Variants in TNRC6A observed in about 807,000 individuals in gnomAD.
TNRC6A encodes the protein trinucleotide repeat containing adaptor 6A.
Under a neutral mutation model 221.2 loss-of-function variants are expected in TNRC6A, and 44 were observed. The observed-to-expected ratio is 0.20, with a 90% CI of 0.16 to 0.26. The LOEUF (loss-of-function observed/expected upper bound fraction) is 0.26. TNRC6A is among the 10% of genes least tolerant of loss of function. TNRC6A has a pLI of 1.00. For missense variants in TNRC6A, 2,199 were observed against 2,404.4 expected (o/e 0.91, Z 1.79); for synonymous variants, 847 against 838.5 (o/e 1.01, Z -0.18).
chr16:24,760,088 T>A (rs935037015), intron 4 of TNRC6A, among the ~76,000 whole-genome samples: 1 of 152,184 alleles, frequency 6.6e-6, no homozygotes, highest in African/African-American at 2.4e-5. Flanking sequence ...CTGTTTCCCA[T>A]CAGTCCTTAT....
chr16:24,638,394 G>T (rs1353492599), intron 1 of TNRC6A, among the ~76,000 whole-genome samples: 1 of 151,864 alleles, frequency 6.6e-6, no homozygotes, highest in African/African-American at 2.4e-5. Context: ...TCCAACCTGG[G>T]TGACAAAGCA....
intron 2 of TNRC6A, among the ~76,000 whole-genome samples, chr16:24,704,588 C>T (rs1426577550): frequency 7.5e-6 from 1 of 133,340 alleles, no homozygotes; most frequent in Non-Finnish European, 1.5e-5. Context: ...TCACTTGAAT[C>T]TGGGAGGTGG....
chr16:24,666,054 C>T (rs1170834864), intron 2 of TNRC6A, among the ~76,000 whole-genome samples: 1 of 152,124 alleles, frequency 6.6e-6, no homozygotes, highest in East Asian at 1.9e-4. Flanking sequence ...GTGCCAGGAG[C>T]GGTGGATCAC....
At chr16:24,813,467 G>A (rs1276110232) in intron 18 of TNRC6A, among the ~76,000 whole-genome samples, 2 of 152,108 alleles carry the variant, frequency 1.3e-5, no homozygotes, top group African/African-American at 4.8e-5. Context: ...TAGGGTAATG[G>A]CTCCCAGCTC....
At chr16:24,734,797 T>A (rs1467734522) in intron 2 of TNRC6A, among the ~76,000 whole-genome samples, 1 of 152,274 alleles carries the variant, frequency 6.6e-6, no homozygotes, top group Non-Finnish European at 1.5e-5. Context: ...ATGACTTTAC[T>A]ATCATGTACT....
At chr16:24,781,648 CA>C (rs1344902903) in intron 5 of TNRC6A, among the ~76,000 whole-genome samples, 6 of 152,066 alleles carry the variant, frequency 3.9e-5, no homozygotes, top group Admixed American at 3.3e-4. Flanking sequence ...TCAGTATGTC[CA>C]AACTTGAACT....
At chr16:24,668,145 T>G (rs2141974373) in intron 2 of TNRC6A, among the ~76,000 whole-genome samples, 1 of 152,150 alleles carries the variant, frequency 6.6e-6, no homozygotes, top group East Asian at 1.9e-4. Context: ...CTGACCAACA[T>G]GGTGAAACCC....
At chr16:24,622,130 T>A (rs1900706024) in intron 1 of TNRC6A, among the ~76,000 whole-genome samples, 1 of 152,146 alleles carries the variant, frequency 6.6e-6, no homozygotes, top group South Asian at 2.1e-4. Flanking sequence ...AAAAGAATAT[T>A]TTTTAGTGGC....
At chr16:24,754,055 A>G (rs1258189694) in intron 3 of TNRC6A, among the ~76,000 whole-genome samples, 3 of 152,188 alleles carry the variant, frequency 2.0e-5, no homozygotes, top group African/African-American at 7.2e-5. Flanking sequence ...TAAAATTGGA[A>G]AATAATATAT....
chr16:24,766,857 A>G (rs911913331), intron 4 of TNRC6A, among the ~76,000 whole-genome samples: 3 of 151,966 alleles, frequency 2.0e-5, no homozygotes, highest in Admixed American at 6.5e-5. Flanking sequence ...TTGTACTTTC[A>G]GTAGAGACAG....
rs750874426 is a variant in TNRC6A, at chr16:24,777,086, AGCAGCAGCCACAGCAGCAGCCACAGCC to A, written c.323_349del (p.Gln108_Gln116del). 3.7e-6 allele frequency: 6 copies of A among 1,609,006 alleles called. No homozygotes were observed. The highest frequency in any genetic ancestry group is 5.1e-6 in the Non-Finnish European group (6 of 1,177,270). On this transcript the variant is annotated inframe_deletion, in exon 5 of 25. Transcript: ENST00000395799. Reference sequence around the variant, plus strand: ...CAGCAGCAACAGCAGCAGCCGCAGCAGCAGCAGCCACAGCAGCAGCCACAGCCGCAGCCGCAGCAGCAGCAGCCACAG... The same window carrying A: ...CAGCAGCAACAGCAGCAGCCGCAGCAGCAGCCGCAGCAGCAGCAGCCACAG...
chr16:24,781,732 A>G (rs4788430), intron 5 of TNRC6A, among the ~76,000 whole-genome samples: 122,867 of 152,004 alleles, frequency 0.81, 50,171 homozygotes, highest in African/African-American at 0.94. Flanking sequence ...CATTCATCCA[A>G]CCACCCATCT....
intron 2 of TNRC6A, among the ~76,000 whole-genome samples, chr16:24,668,347 AAAAAAAAGAAAAAG>A (rs956125498): frequency 4.6e-5 from 7 of 151,898 alleles, no homozygotes; most frequent in African/African-American, 9.7e-5. Flanking sequence ...TCCATCTCAA[AAAAAAAAGAAAAAG>A]AAAAAAAGAA....
At chr16:24,820,684 G>A (rs1019517195) in intron 22 of TNRC6A, among the ~76,000 whole-genome samples, 1 of 152,238 alleles carries the variant, frequency 6.6e-6, no homozygotes, top group Admixed American at 6.5e-5. Context: ...ATGGGAGCAG[G>A]CCATCTGGGC....
At chr16:24,777,481 A>T in intron 5 of TNRC6A, 123 bp downstream of exon 5, 1 of 875,930 alleles carries the variant, frequency 1.1e-6, no homozygotes, top group South Asian at 1.7e-5. Context: ...TTAATGTAAG[A>T]GTTCTTTATA....
intron 19 of TNRC6A, chr16:24,816,613 G>A: frequency 1.7e-6 from 1 of 571,840 alleles, no homozygotes; most frequent in Non-Finnish European, 2.9e-6. Flanking sequence ...GATGATTTCA[G>A]TTGTAAAAAC....
At chr16:24,691,691 C>T (rs538748360) in intron 2 of TNRC6A, among the ~76,000 whole-genome samples, 1 of 152,020 alleles carries the variant, frequency 6.6e-6, no homozygotes, top group Non-Finnish European at 1.5e-5. Context: ...TCACTTGAAC[C>T]CGGGAGGCAG....
chr16:24,630,664 C>T (rs949317899), intron 1 of TNRC6A, among the ~76,000 whole-genome samples: 10 of 152,198 alleles, frequency 6.6e-5, no homozygotes, highest in Non-Finnish European at 1.5e-4. Flanking sequence ...TTAACCCACT[C>T]GAATACAGCC....
At chr16:24,723,535 A>G (rs2056445880) in intron 2 of TNRC6A, among the ~76,000 whole-genome samples, 1 of 151,196 alleles carries the variant, frequency 6.6e-6, no homozygotes, top group Non-Finnish European at 1.5e-5. Context: ...TGAAGGTTGC[A>G]GTGAGCCAAG....
Sources: gnomAD v4.1 joint callset for allele counts (sites outside exome capture counted in the v4.1 genomes callset) on GRCh38, gnomAD v4.1.1 for gene constraint, MANE v1.5 for transcripts, NCBI Gene and HGNC (gene_info 2026-07-23, HGNC 2026-07-21) for gene names.